The following ANP32B variants were observed in gnomAD, a reference collection of about 807,000 sequenced individuals.
The protein encoded by ANP32B is acidic nuclear phosphoprotein 32 family member B, also known as acidic leucine-rich nuclear phosphoprotein 32 family member B.
ANP32B carries 6 observed loss-of-function variants against 32.2 expected under a neutral mutation model. The ratio of observed to expected loss-of-function variants is 0.19; its 90% CI spans 0.10 to 0.37. The LOEUF (loss-of-function observed/expected upper bound fraction) is 0.37, where lower values mean the gene tolerates loss of function less well. Ranked by LOEUF, ANP32B falls within the 10% of genes least tolerant of loss-of-function variation. The pLI, the probability that ANP32B is intolerant of heterozygous loss-of-function variation, is 1.00. For synonymous variants in ANP32B, 98 were observed against 105.8 expected (o/e 0.93, Z 0.45); for missense variants, 204 against 289.2 (o/e 0.71, Z 2.14).
intron 3 of ANP32B, among the ~76,000 whole-genome samples, chr9:98,003,146 GACAGCTTTC>G (rs1828022730): frequency 6.6e-6 from 1 of 152,196 alleles, no homozygotes; most frequent in African/African-American, 2.4e-5. Flanking sequence ...AAGGGCTGGG[GACAGCTTTC>G]TTAAAACGTC....
chr9:98,013,821 A>G (rs1828229481), intron 6 of ANP32B, among the ~76,000 whole-genome samples: 2 of 152,074 alleles, frequency 1.3e-5, no homozygotes, highest in Admixed American at 1.3e-4. Flanking sequence ...ATGCCACTGC[A>G]CTGCAGCCTG....
intron 4 of ANP32B, among the ~76,000 whole-genome samples, chr9:98,008,206 T>G (rs1587879952): frequency 6.6e-6 from 1 of 152,272 alleles, no homozygotes; most frequent in East Asian, 1.9e-4. Flanking sequence ...AGCCCCCACT[T>G]ACAAGTGAGA....
chr9:98,015,275 C>A (rs1381818999), intron 6 of ANP32B, 89 bp from the exon 7 acceptor site: 16 of 1,519,196 alleles, frequency 1.1e-5, no homozygotes, highest in Non-Finnish European at 1.3e-5. Flanking sequence ...TCCTAACTGT[C>A]AAAAACTTTG....
At chr9:97,997,110 A>G (rs1188315956) in intron 2 of ANP32B, among the ~76,000 whole-genome samples, 6 of 152,334 alleles carry the variant, frequency 3.9e-5, no homozygotes, top group African/African-American at 1.2e-4. Flanking sequence ...TGTATGTGAT[A>G]TTCTAACCAC....
intron 4 of ANP32B, among the ~76,000 whole-genome samples, chr9:98,008,358 GTT>G (rs1359205005): frequency 1.3e-5 from 2 of 152,172 alleles, no homozygotes; most frequent in African/African-American, 4.8e-5. Flanking sequence ...TCTCAAAAGA[GTT>G]TGAGCATTAC....
At chr9:98,000,721 T>G (rs1343449463) in intron 3 of ANP32B, among the ~76,000 whole-genome samples, 1 of 151,892 alleles carries the variant, frequency 6.6e-6, no homozygotes, top group Non-Finnish European at 1.5e-5. Flanking sequence ...GTCAGGAGTT[T>G]GAGACCAGCC....
intron 2 of ANP32B, among the ~76,000 whole-genome samples, chr9:97,995,703 G>A (rs556129100): frequency 1.3e-5 from 2 of 151,994 alleles, no homozygotes; most frequent in East Asian, 1.9e-4. Context: ...GGAGGATCAC[G>A]TGAGGTCAGG....
intron 3 of ANP32B, among the ~76,000 whole-genome samples, chr9:97,999,403 T>C (rs1404631182): frequency 6.6e-6 from 1 of 152,240 alleles, no homozygotes; most frequent in Non-Finnish European, 1.5e-5. Context: ...GAATTGTAGA[T>C]GGAACAAAGA....
chr9:98,005,231 G>A (rs751202122), intron 4 of ANP32B, 78 bp downstream of exon 4: 187 of 1,431,648 alleles, frequency 1.3e-4, no homozygotes, highest in Admixed American at 4.3e-5. Context: ...TGTTGGCCGG[G>A]CGCAGTGGCA....
rs771977254 is a variant in ANP32B at position 98,005,033 on chromosome 9, G to C, written c.397G>C (p.Glu133Gln). Residue 133 changes from glutamate to glutamine, a missense_variant, in exon 4 of 7, where the codon GAG (glutamate) becomes CAG (glutamine). Glu to Gln is a conservative substitution (Grantham distance 29). Transcript: ENST00000339399. Reference sequence around the variant, plus strand: ...GGTTACCAACCTGAATGACTACCGAGAGAGTGTCTTCAAGCTCCTGCCCCA... The same window carrying C: ...GGTTACCAACCTGAATGACTACCGACAGAGTGTCTTCAAGCTCCTGCCCCA... ...CEVTNLNDYR[E>Q]SVFKLLPQLT... 6.8e-6 allele frequency: 11 copies of C among 1,614,006 alleles called. No homozygotes were observed. The highest frequency in any genetic ancestry group is 1.6e-4 in the Middle Eastern group (1 of 6,084).
intron 3 of ANP32B, among the ~76,000 whole-genome samples, chr9:98,003,758 T>A (rs1020692729): frequency 6.6e-6 from 1 of 152,230 alleles, no homozygotes; most frequent in Non-Finnish European, 1.5e-5. Flanking sequence ...TTATTTTATG[T>A]GGAGGTCCTC....
Position 97,998,492 on chromosome 9 carries a change from C to A in ANP32B, c.205-64C>A, listed in dbSNP as rs529344158. The A allele has an allele frequency of 1.1e-5, 17 of 1,515,014 alleles. No homozygotes were observed. The African/African-American group carries it at 2.0e-4, about 18-fold the overall frequency. The allele number at this position is 1,515,014 out of a possible 1,614,324, so 93.8% of individuals were successfully genotyped here. A position where few individuals can be genotyped will look rare whatever the true frequency, so the allele number is the denominator to read the frequency against. On this transcript the variant is annotated intron_variant, in intron 2 of 6. Coordinates refer to ENST00000339399, the MANE Select transcript of ANP32B (RefSeq NM_006401.3). The stretch of plus-strand genomic sequence containing the variant: ...AGAACTGTATTTGTTACTTACAATA[C>A]CTTAAATGATTTCTGTTTCTCTGTG...
At chr9:97,987,149 G>T (rs1036650307) in intron 1 of ANP32B, among the ~76,000 whole-genome samples, 18 of 152,166 alleles carry the variant, frequency 1.2e-4, no homozygotes, top group Admixed American at 3.3e-4. Flanking sequence ...CTAAGGGATG[G>T]GGGCGAGGGA....
At chr9:97,986,162 G>A (rs561886991) in intron 1 of ANP32B, among the ~76,000 whole-genome samples, 45 of 152,334 alleles carry the variant, frequency 3.0e-4, no homozygotes, top group African/African-American at 1.1e-3. Flanking sequence ...CTTCTTGCCA[G>A]TCAGGCCAGA....
At chr9:97,992,776 G>A (rs1827849227) in intron 1 of ANP32B, among the ~76,000 whole-genome samples, 1 of 152,126 alleles carries the variant, frequency 6.6e-6, no homozygotes, top group Non-Finnish European at 1.5e-5. Context: ...AAAAAACTTA[G>A]TACAGATATA....
chr9:97,983,422 C>G lies in ANP32B; in HGVS notation c.-134C>G. ...GCTCGCCTGCCCGCACGCCGCCCGC[C>G]ACCCAGGACCGCGCCGCCGGCCTCC... On this transcript the variant is annotated 5_prime_UTR_variant, in exon 1 of 7. Transcript: ENST00000339399. 1.4e-6 allele frequency: 1 copy of G among 714,504 alleles called. No individual in the cohort carries two copies. The highest frequency in any genetic ancestry group is 2.2e-6 in the Non-Finnish European group (1 of 445,282). 44.3% of individuals were successfully genotyped at this position (714,504 alleles called of 1,614,324 possible). A position where few individuals can be genotyped will look rare whatever the true frequency, so the allele number is the denominator to read the frequency against.
chr9:97,994,736 T>A lies in ANP32B; in HGVS notation c.160T>A (p.Leu54Met). Reference sequence around the variant, plus strand: ...GTTCCTCAGTTTAATAAATGTAGGCTTGATCTCAGTTTCAAATCTCCCCAA... The same window carrying A: ...GTTCCTCAGTTTAATAAATGTAGGCATGATCTCAGTTTCAAATCTCCCCAA... ...LEFLSLINVG[L>M]ISVSNLPKLP... The change falls in exon 2 of 7, where the codon TTG (leucine) becomes ATG (methionine). Residue 54 changes from leucine (L) to methionine (M), a missense_variant. Transcript: ENST00000339399. 4.3e-6 allele frequency: 7 copies of A among 1,609,536 alleles called. No homozygotes were observed. Among genetic ancestry groups the A allele is most frequent in the Non-Finnish European group, 5.1e-6 (6 of 1,178,208 alleles).
At chr9:97,993,231 G>A (rs1420447428) in intron 1 of ANP32B, among the ~76,000 whole-genome samples, 1 of 152,192 alleles carries the variant, frequency 6.6e-6, no homozygotes, top group Non-Finnish European at 1.5e-5. Context: ...GGGCATTGCT[G>A]ACTTGAAATC....
intron 1 of ANP32B, among the ~76,000 whole-genome samples, chr9:97,984,266 T>G (rs927941164): frequency 4.0e-5 from 6 of 149,196 alleles, no homozygotes; most frequent in African/African-American, 1.2e-4. Context: ...GCGGCGGAGG[T>G]GGCGCAACCG....
Sources: allele counts gnomAD v4.1 joint callset (sites outside exome capture counted in the v4.1 genomes callset), GRCh38; gene constraint gnomAD v4.1.1; transcripts MANE v1.5; gene names NCBI Gene and HGNC (gene_info 2026-07-23, HGNC 2026-07-21).